Variants in ACADSB observed in about 807,000 individuals in gnomAD.
The protein encoded by ACADSB is acyl-CoA dehydrogenase short/branched chain.
ACADSB carries 40 observed loss-of-function variants against 54.1 expected under a neutral mutation model. The observed-to-expected ratio is 0.74, with a 90% confidence interval of 0.57 to 0.96. ACADSB has a LOEUF of 0.96. ACADSB is among the 40% of genes least tolerant of loss of function. The pLI is 0.00. For synonymous variants in ACADSB, 182 were observed against 182.8 expected (o/e 1.00, Z 0.03); for missense variants, 530 against 510.4 (o/e 1.04, Z -0.37).
chr10:123,040,486 C>T lies in ACADSB; in HGVS notation c.324C>T (p.Asp108=), dbSNP rs2133480623. The change falls in exon 4 of 11, where the codon GAC becomes GAT. Residue 108 remains aspartate (D), a synonymous_variant. Coordinates refer to ENST00000358776, the MANE Select transcript of ACADSB (RefSeq NM_001609.4). ...FQQGLMGIEV[D]PEYGGTGASF... ...TTTAGTTGATGGGTATTGAAGTTGA[C>T]CCAGAATATGGAGGCACAGGAGCTT... The T allele has an allele frequency of 6.2e-7, 1 of 1,613,960 alleles. No homozygotes were observed. The highest frequency in any genetic ancestry group is 1.7e-4 in the Middle Eastern group (1 of 6,060).
chr10:123,019,073 C>T (rs1050401079), intron 1 of ACADSB, among the ~76,000 whole-genome samples: 1 of 152,182 alleles, frequency 6.6e-6, no homozygotes, highest in African/African-American at 2.4e-5. Context: ...TTCTCATAAG[C>T]CGTATCAATT....
intron 1 of ACADSB, among the ~76,000 whole-genome samples, chr10:123,017,702 C>G (rs1317831128): frequency 6.6e-6 from 1 of 152,242 alleles, no homozygotes; most frequent in Non-Finnish European, 1.5e-5. Flanking sequence ...AGACAAGAAA[C>G]GTTCCTGGAG....
chr10:123,043,508 G>C (rs1455116863), intron 6 of ACADSB, among the ~76,000 whole-genome samples: 2 of 152,216 alleles, frequency 1.3e-5, no homozygotes, highest in Non-Finnish European at 2.9e-5. Context: ...TCTGGTGTCA[G>C]TGCACTAAAG....
In ACADSB at chr10:123,040,638, A is replaced by G. The variant is rs1850459919; in HGVS notation, c.476A>G (p.Lys159Arg). ...AGAAAACATGGAACAGAAGAACAAA[A>G]GGCCACCTATTTGCCTCAGCTCACT... ...LIRKHGTEEQ[K>R]ATYLPQLTTE... is the part of the protein sequence containing the mutation. The change falls in exon 4 of 11, where the codon AAG (lysine) becomes AGG (arginine). Residue 159 changes from lysine (K) to arginine (R), a missense_variant. By Grantham distance (26) the Lys-to-Arg change is conservative. Coordinates refer to ENST00000358776, the MANE Select transcript of ACADSB (RefSeq NM_001609.4). The G allele has an allele frequency of 6.2e-7, 1 of 1,614,134 alleles. No homozygotes were observed. Among genetic ancestry groups the G allele is most frequent in the African/African-American group, 1.3e-5 (1 of 75,062 alleles).
At chr10:123,041,823 G>A (rs1850478243) in intron 5 of ACADSB, among the ~76,000 whole-genome samples, 1 of 152,110 alleles carries the variant, frequency 6.6e-6, no homozygotes, top group Admixed American at 6.6e-5. Context: ...TTTTATGTAA[G>A]GTACTTGAGC....
intron 1 of ACADSB, among the ~76,000 whole-genome samples, chr10:123,011,353 C>T (rs1332030559): frequency 6.6e-6 from 1 of 152,154 alleles, no homozygotes; most frequent in Non-Finnish European, 1.5e-5. Context: ...AGTCACATAA[C>T]AATCAGATTG....
intron 7 of ACADSB, among the ~76,000 whole-genome samples, chr10:123,045,340 A>G (rs892462226): frequency 0.032 from 169 of 5,264 alleles, no homozygotes; most frequent in Non-Finnish European, 0.044. Context: ...CACCACGCCC[A>G]GCCAATTTTT....
chr10:123,040,407 A>C, intron 3 of ACADSB, 59 bp from the exon 4 acceptor site: 3 of 1,407,570 alleles, frequency 2.1e-6, no homozygotes, highest in Non-Finnish European at 3.0e-6. Flanking sequence ...TGTTCATGCA[A>C]GAAATTTCCC....
rs750818948 is a variant in ACADSB, at chr10:123,041,367, A to G, written c.669A>G (p.Val223=). 1.2e-5 allele frequency: 19 copies of G among 1,614,080 alleles called. No individual in the cohort carries two copies. Among genetic ancestry groups the G allele is most frequent in the Non-Finnish European group, 1.6e-5 (19 of 1,180,018 alleles). The change falls in exon 5 of 11, where the codon GTA becomes GTG. Residue 223 remains valine (V), a synonymous_variant. Transcript: ENST00000358776. ...GGCTCTTTCTGGTGATGGCAAATGT[A>G]GACCCTACCATTGTAAGTTTGAAAA... ...HAGLFLVMAN[V]DPTIGYKGIT... is the part of the protein sequence containing the mutation.
Position 123,044,429 on chromosome 10 carries a change from G to A in ACADSB, c.844G>A (p.Gly282Ser). ...CAATATCTTGGGACAAATTGGACAT[G>A]GCTATAAGTATGCCATAGGGAGTCT... ...EANILGQIGH[G>S]YKYAIGSLNE... Residue 282 changes from glycine (G) to serine (S), a missense_variant, in exon 7 of 11, where the codon GGC (glycine) becomes AGC (serine). Coordinates refer to ENST00000358776, the MANE Select transcript of ACADSB (RefSeq NM_001609.4). 6.2e-7 allele frequency: 1 copy of A among 1,613,954 alleles called. No individual in the cohort carries two copies. Among genetic ancestry groups the A allele is most frequent in the Non-Finnish European group, 8.5e-7 (1 of 1,179,890 alleles).
At chr10:123,009,898 T>C (rs1849992452) in intron 1 of ACADSB, among the ~76,000 whole-genome samples, 1 of 152,240 alleles carries the variant, frequency 6.6e-6, no homozygotes, top group South Asian at 2.1e-4. Context: ...CTGGGAATTT[T>C]CCCACTGCTT....
chr10:123,050,513 T>C (rs981639572), intron 8 of ACADSB, among the ~76,000 whole-genome samples: 6 of 152,246 alleles, frequency 3.9e-5, no homozygotes, highest in Non-Finnish European at 8.8e-5. Flanking sequence ...AACTGTTGTT[T>C]CTTTCATTGG....
Position 123,034,438 on chromosome 10 carries a change from T to C in ACADSB, c.125T>C (p.Leu42Pro). 1.2e-6 allele frequency: 2 copies of C among 1,613,358 alleles called. No homozygotes were observed. Among genetic ancestry groups the C allele is most frequent in the Middle Eastern group, 3.3e-4 (2 of 6,062 alleles). The change falls in exon 2 of 11, where the codon CTC becomes CCC. Residue 42 changes from leucine to proline, a missense_variant. Coordinates refer to ENST00000358776, the MANE Select transcript of ACADSB (RefSeq NM_001609.4). ...AAATCTTCCCAGTCAGAAGCTCTAC[T>C]CAATATAACAAATAATGGAATACAC... ...VSKSSQSEAL[L>P]NITNNGIHFA...
At chr10:123,045,149 A>T (rs1564752878) in intron 7 of ACADSB, among the ~76,000 whole-genome samples, 4 of 10,016 alleles carry the variant, frequency 4.0e-4, no homozygotes, top group Non-Finnish European at 4.9e-4. Flanking sequence ...ATATATATAT[A>T]TATATATATA....
In ACADSB at chr10:123,023,986, G is replaced by A. The variant is rs532520209; in HGVS notation, c.43-10370G>A. Among the ~76,000 whole-genome samples, 99 of 152,362 alleles carry A rather than the reference G, an allele frequency of 6.5e-4. 1 individual carries two copies. The South Asian group carries it at 8.7e-3, about 13-fold the overall frequency. On this transcript the variant is annotated intron_variant, in intron 1 of 10. Transcript: ENST00000358776. ...TCCCCCTTTGGGGTCCAGTCTTAGA[G>A]TGTCAGACATCTCTGACCTTAGGTG... is the stretch of plus-strand genomic sequence containing the variant.
At chr10:123,045,164 T>TAG (rs1850542530) in intron 7 of ACADSB, among the ~76,000 whole-genome samples, 11 of 13,966 alleles carry the variant, frequency 7.9e-4, no homozygotes, top group African/African-American at 4.7e-3. Flanking sequence ...TATATATATA[T>TAG]ATATATATTT....
At chr10:123,033,493 A>G (rs1379668557) in intron 1 of ACADSB, among the ~76,000 whole-genome samples, 1 of 152,228 alleles carries the variant, frequency 6.6e-6, no homozygotes, top group Non-Finnish European at 1.5e-5. Flanking sequence ...TCTCATGGCA[A>G]GCAATGATGG....
intron 1 of ACADSB, among the ~76,000 whole-genome samples, chr10:123,011,419 A>G (rs1460395047): frequency 6.6e-6 from 1 of 152,222 alleles, no homozygotes; most frequent in Non-Finnish European, 1.5e-5. Flanking sequence ...CTAGTCCTGC[A>G]GATGGATTAG....
rs1002192012 is a variant in ACADSB, at chr10:123,037,813, A to G, written c.269A>G (p.Glu90Gly). The part of the protein sequence containing the change: ...VSTMDENSKM[E>G]KSVIQGLFQQ... ...ACCATGGATGAAAATTCGAAAATGG[A>G]GAAATCAGTAATACAAGGATTATTT... Residue 90 changes from glutamate (E) to glycine (G), a missense_variant, in exon 3 of 11, where the codon GAG becomes GGG. Glu to Gly is a moderately conservative substitution (Grantham distance 98, BLOSUM62 -2). Transcript: ENST00000358776. 5 of 1,609,558 alleles carry G rather than the reference A, an allele frequency of 3.1e-6. No individual in the cohort carries two copies.
Sources: gnomAD v4.1 joint callset for allele counts (sites outside exome capture counted in the v4.1 genomes callset) on GRCh38, gnomAD v4.1.1 for gene constraint, MANE v1.5 for transcripts, NCBI Gene and HGNC (gene_info 2026-07-23, HGNC 2026-07-21) for gene names.